CDH12: variants seen among roughly 807,000 people sequenced by gnomAD.
CDH12 encodes cadherin 12, also known as cadherin-12.
CDH12 carries 41 observed loss-of-function variants against 74.1 expected under a neutral mutation model. That is an observed-to-expected ratio of 0.55 (90% CI 0.43 to 0.72). The LOEUF is 0.72. Ranked by LOEUF, CDH12 falls within the 30% of genes least tolerant of loss-of-function variation. The pLI, the probability that CDH12 is intolerant of heterozygous loss-of-function variation, is 0.00. For missense variants in CDH12, 945 were observed against 977.2 expected (o/e 0.97, Z 0.44); for synonymous variants, 399 against 355.0 (o/e 1.12, Z -1.39).
At chr5:21,761,699 T>C (rs1013402672) in intron 12 of CDH12, among the ~76,000 whole-genome samples, 2 of 151,652 alleles carry the variant, frequency 1.3e-5, no homozygotes, top group Admixed American at 6.6e-5. Context: ...GAGACACAGA[T>C]AGATGTTAGA....
intron 2 of CDH12, among the ~76,000 whole-genome samples, chr5:22,469,352 T>A (rs1423963798): frequency 6.6e-6 from 1 of 152,190 alleles, no homozygotes; most frequent in African/African-American, 2.4e-5. Flanking sequence ...GGCAGGTTGG[T>A]TTCTTCTGAG....
At chr5:22,745,391 A>G (rs1463305655) in intron 1 of CDH12, among the ~76,000 whole-genome samples, 1 of 152,162 alleles carries the variant, frequency 6.6e-6, no homozygotes, top group Non-Finnish European at 1.5e-5. Flanking sequence ...TAGCAATACC[A>G]TTTGACCCAG....
chr5:21,863,011 T>C (rs1396089684), intron 6 of CDH12, among the ~76,000 whole-genome samples: 1 of 152,102 alleles, frequency 6.6e-6, no homozygotes, highest in Non-Finnish European at 1.5e-5. Context: ...ATTACTTTCA[T>C]TGATTACAAA....
At chr5:22,529,212 GAGAGAGAGAGAGA>G (rs1737468769) in intron 1 of CDH12, among the ~76,000 whole-genome samples, 2 of 145,260 alleles carry the variant, frequency 1.4e-5, no homozygotes, top group South Asian at 2.2e-4. Context: ...GAGAGAGAGA[GAGAGAGAGAGAGA>G]AGAGAGAGAG....
intron 5 of CDH12, among the ~76,000 whole-genome samples, chr5:22,070,608 C>T (rs1010135580): frequency 6.6e-6 from 1 of 152,150 alleles, no homozygotes; most frequent in Admixed American, 6.6e-5. Context: ...GCACTCTTCC[C>T]CAGGTCATCC....
At chr5:22,723,985 A>C (rs1228279296) in intron 1 of CDH12, among the ~76,000 whole-genome samples, 1 of 151,826 alleles carries the variant, frequency 6.6e-6, no homozygotes, top group Non-Finnish European at 1.5e-5. Context: ...TTAATACGTG[A>C]TACCGTTTTC....
chr5:21,864,471 C>T (rs566627757), intron 6 of CDH12, among the ~76,000 whole-genome samples: 1 of 152,272 alleles, frequency 6.6e-6, no homozygotes, highest in African/African-American at 2.4e-5. Flanking sequence ...TACCTTCCCT[C>T]ATGGAATCAT....
chr5:21,789,988 C>T (rs934955250), intron 10 of CDH12, among the ~76,000 whole-genome samples: 3 of 152,048 alleles, frequency 2.0e-5, no homozygotes, highest in African/African-American at 7.2e-5. Flanking sequence ...CATATTTCTA[C>T]ATCAAGGGAA....
At chr5:22,564,902 G>C (rs146871874) in intron 1 of CDH12, among the ~76,000 whole-genome samples, 114 of 152,174 alleles carry the variant, frequency 7.5e-4, no homozygotes, top group African/African-American at 2.7e-3. Flanking sequence ...ATGAAGTTAT[G>C]AAAATCAGAT....
At position 21,975,401 on chromosome 5, in the gene CDH12, GGA is replaced by G. The variant is rs755161425; in HGVS notation, c.232-18_232-17del. ...CGGAATGGAGCTTTAGGGAAGAGAA[GGA>G]GAGAGAGAGGAAGAGAAAGAGAAGG... On this transcript the variant is annotated splice_polypyrimidine_tract_variant and intron_variant, in intron 5 of 14. Coordinates refer to ENST00000382254, the MANE Select transcript of CDH12 (RefSeq NM_004061.5). The G allele has an allele frequency of 9.7e-6, 15 of 1,549,648 alleles. No homozygotes were observed. Among genetic ancestry groups the G allele is most frequent in the East Asian group, 4.5e-5 (2 of 44,252 alleles).
chr5:22,092,550 G>T (rs976790846), intron 4 of CDH12, among the ~76,000 whole-genome samples: 1 of 152,030 alleles, frequency 6.6e-6, no homozygotes, highest in African/African-American at 2.4e-5. Flanking sequence ...AATGCAAATC[G>T]AAAACCACAG....
intron 5 of CDH12, among the ~76,000 whole-genome samples, chr5:22,059,669 T>C (rs951288433): frequency 1.3e-5 from 2 of 152,186 alleles, no homozygotes; most frequent in African/African-American, 4.8e-5. Context: ...ATATTATTTA[T>C]GATAGATGGC....
At chr5:21,937,492 A>G (rs1408491391) in intron 6 of CDH12, among the ~76,000 whole-genome samples, 1 of 152,210 alleles carries the variant, frequency 6.6e-6, no homozygotes, top group African/African-American at 2.4e-5. Flanking sequence ...AGAAATGGTA[A>G]TAAAAATAAC....
intron 1 of CDH12, among the ~76,000 whole-genome samples, chr5:22,554,698 G>A (rs1408732384): frequency 6.6e-6 from 1 of 152,026 alleles, no homozygotes; most frequent in African/African-American, 2.4e-5. Context: ...ATTTAACTAT[G>A]TAATGATATC....
chr5:21,768,561 T>C (rs1745150828), intron 11 of CDH12, among the ~76,000 whole-genome samples: 1 of 151,900 alleles, frequency 6.6e-6, no homozygotes, highest in African/African-American at 2.4e-5. Context: ...AATTGACAAA[T>C]TCCAACAAAA....
At chr5:22,031,405 A>G (rs1307900695) in intron 5 of CDH12, among the ~76,000 whole-genome samples, 2 of 152,174 alleles carry the variant, frequency 1.3e-5, no homozygotes, top group African/African-American at 4.8e-5. Flanking sequence ...CCAGACCACT[A>G]AAACTTTTGC....
chr5:21,984,368 T>C (rs1465475684), intron 5 of CDH12, among the ~76,000 whole-genome samples: 1 of 152,216 alleles, frequency 6.6e-6, no homozygotes, highest in Non-Finnish European at 1.5e-5. Context: ...TTCTCAAGCA[T>C]ATGGGAGAAA....
At chr5:22,277,155 T>C (rs1029455648) in intron 3 of CDH12, among the ~76,000 whole-genome samples, 1 of 152,124 alleles carries the variant, frequency 6.6e-6, no homozygotes, top group Non-Finnish European at 1.5e-5. Flanking sequence ...AATTAGATAA[T>C]AAACTTTGAA....
At chr5:22,274,007 C>A (rs1736516878) in intron 3 of CDH12, among the ~76,000 whole-genome samples, 1 of 151,970 alleles carries the variant, frequency 6.6e-6, no homozygotes, top group Admixed American at 6.6e-5. Flanking sequence ...GAATTTATAT[C>A]CACCACTATG....
Sources: allele counts gnomAD v4.1 joint callset (sites outside exome capture counted in the v4.1 genomes callset), GRCh38; gene constraint gnomAD v4.1.1; transcripts MANE v1.5; gene names NCBI Gene and HGNC (gene_info 2026-07-23, HGNC 2026-07-21).